The following GAK variants were observed in gnomAD, a reference collection of about 807,000 sequenced individuals.
GAK encodes the protein cyclin-G-associated kinase.
A neutral mutation model predicts 143.9 loss-of-function variants in GAK; 79 were observed. The ratio of observed to expected loss-of-function variants is 0.55; its 90% CI spans 0.46 to 0.66. GAK has a LOEUF of 0.66. Ranked by LOEUF, GAK falls within the 30% of genes least tolerant of loss-of-function variation. The pLI, the probability that GAK is intolerant of heterozygous loss-of-function variation, is 0.00. For missense variants in GAK, 1,693 were observed against 1,779.7 expected, an observed-to-expected ratio of 0.95 and a Z score of 0.88; for synonymous variants, 881 against 765.5, an observed-to-expected ratio of 1.15 and a Z score of -2.49.
At chr4:851,403 G>T (rs575231393) in intron 25 of GAK, 15 of 479,420 alleles carry the variant, frequency 3.1e-5, no homozygotes, top group African/African-American at 2.9e-4. Context: ...GTTAAGAACA[G>T]AAACTTTCTG....
chr4:861,715 G>A (rs777280875), intron 23 of GAK, among the ~76,000 whole-genome samples: 5 of 152,210 alleles, frequency 3.3e-5, no homozygotes, highest in Non-Finnish European at 7.3e-5. Context: ...CGAATGATAC[G>A]AACACAAACC....
chr4:931,589 C>T (rs1271890813), intron 1 of GAK, among the ~76,000 whole-genome samples: 1 of 152,140 alleles, frequency 6.6e-6, no homozygotes, highest in Non-Finnish European at 1.5e-5. Context: ...TTAAACCCAC[C>T]TCCTGCACCG....
intron 27 of GAK, 59 bp from the exon 28 acceptor site, chr4:849,833 G>GGGCGC: frequency 8.4e-7 from 1 of 1,190,154 alleles, no homozygotes; most frequent in Non-Finnish European, 1.2e-6. Context: ...GGCGGGGCAG[G>GGGCGC]ACCCCCCCCC....
At chr4:920,300 T>A (rs1577318247) in intron 1 of GAK, among the ~76,000 whole-genome samples, 2 of 138,822 alleles carry the variant, frequency 1.4e-5, no homozygotes. Context: ...AGAGCAAAAG[T>A]CCATCTCAAA....
At chr4:852,048 C>G in intron 24 of GAK, 74 bp from the exon 25 acceptor site, 1 of 1,258,280 alleles carries the variant, frequency 7.9e-7, no homozygotes, top group South Asian at 1.2e-5. Context: ...TAACGCAGAG[C>G]ACCACGTATA....
chr4:922,563 C>T (rs549034245), intron 1 of GAK, among the ~76,000 whole-genome samples: 1 of 150,998 alleles, frequency 6.6e-6, no homozygotes, highest in South Asian at 2.1e-4. Flanking sequence ...GCAAAAGAGG[C>T]CTCTCCTGGA....
At chr4:880,405 GCT>G (rs1714858767) in intron 15 of GAK, among the ~76,000 whole-genome samples, 1 of 152,230 alleles carries the variant, frequency 6.6e-6, no homozygotes, top group African/African-American at 2.4e-5. Context: ...ACAGAGTGCA[GCT>G]CTTTCTCTCG....
At chr4:920,335 C>T (rs1723711634) in intron 1 of GAK, among the ~76,000 whole-genome samples, 1 of 150,350 alleles carries the variant, frequency 6.7e-6, no homozygotes, top group South Asian at 2.1e-4. Flanking sequence ...AAACCAACAA[C>T]AAAAAAACAC....
chr4:906,937 A>G (rs1276548690), intron 4 of GAK, among the ~76,000 whole-genome samples: 1 of 152,062 alleles, frequency 6.6e-6, no homozygotes, highest in Non-Finnish European at 1.5e-5. Flanking sequence ...TCACCTCCCA[A>G]GGAACCAACT....
At chr4:881,742 G>A (rs1430269757) in intron 15 of GAK, among the ~76,000 whole-genome samples, 165 bp downstream of exon 15, 1 of 152,214 alleles carries the variant, frequency 6.6e-6, no homozygotes, top group South Asian at 2.1e-4. Context: ...CGGGCTCTGC[G>A]GCCGTAAGCC....
At chr4:887,113 C>G (rs568314120) in intron 11 of GAK, 1 of 151,542 alleles carries the variant, frequency 6.6e-6, no homozygotes, top group Admixed American at 6.6e-5. Context: ...CTCCTACACA[C>G]GCTTACACAT....
chr4:853,489 C>A (rs1055114460), intron 24 of GAK: 2 of 152,318 alleles, frequency 1.3e-5, no homozygotes, highest in African/African-American at 4.8e-5. Flanking sequence ...CTGAGAGACA[C>A]GGCTCAACCC....
At position 898,096 on chromosome 4, in the gene GAK, C is replaced by T. The variant is rs767834499; in HGVS notation, c.588G>A (p.Thr196=). 5 of 1,614,012 alleles carry T rather than the reference C, an allele frequency of 3.1e-6. No homozygotes were observed. The highest frequency in any genetic ancestry group is 2.2e-5 in the East Asian group (1 of 44,902). The change falls in exon 6 of 28, where the codon ACG becomes ACA. Residue 196 remains threonine, a synonymous_variant. Transcript: ENST00000314167. ...TGTAGTCAGGGTAGTGCGAGATGGT[C>T]GTGGCACTGCCAAAGTCACACAGCT... ...TIKLCDFGSA[T]TISHYPDYSW...
At chr4:917,645 G>A (rs182395662) in intron 1 of GAK, among the ~76,000 whole-genome samples, 5 of 152,388 alleles carry the variant, frequency 3.3e-5, no homozygotes, top group South Asian at 2.1e-4. Flanking sequence ...AAAGCAGGGC[G>A]AAGGGTTACC....
At chr4:896,888 G>GCCCC (rs754682081) in intron 6 of GAK, among the ~76,000 whole-genome samples, 59 of 152,374 alleles carry the variant, frequency 3.9e-4, no homozygotes, top group Non-Finnish European at 7.1e-4. Context: ...TGGCACAAGG[G>GCCCC]CCCCGCTCCA....
chr4:861,393 C>T (rs765241982), intron 23 of GAK, among the ~76,000 whole-genome samples: 4 of 152,082 alleles, frequency 2.6e-5, no homozygotes, highest in African/African-American at 7.2e-5. Flanking sequence ...AGTTCAAGGT[C>T]GGCCTGGACA....
rs894968383 is a variant in GAK at position 881,829 on chromosome 4, A to G, written c.1661+78T>C. The G allele has an allele frequency of 8.2e-6, 12 of 1,469,510 alleles. No individual in the cohort carries two copies. In the African/African-American group the frequency reaches 1.7e-4, roughly 21 times the overall value. The allele number at this position is 1,469,510 out of a possible 1,614,324, so 91.0% of individuals were successfully genotyped here. On this transcript the variant is annotated intron_variant, in intron 15 of 27. Coordinates refer to ENST00000314167, the MANE Select transcript of GAK (RefSeq NM_005255.4). Reference sequence around the variant, plus strand: ...CTGCAGCGGCACCGACTGGCCCTCCAGGAGACACCACAGCGGGGGCGGCAG... The same window carrying G: ...CTGCAGCGGCACCGACTGGCCCTCCGGGAGACACCACAGCGGGGGCGGCAG...
chr4:925,147 C>G (rs950154326), intron 1 of GAK, among the ~76,000 whole-genome samples: 6 of 152,178 alleles, frequency 3.9e-5, no homozygotes, highest in African/African-American at 1.4e-4. Context: ...TAAGCATTAC[C>G]AAACTCGCTA....
At chr4:895,054 C>T (rs1718512940) in intron 7 of GAK, among the ~76,000 whole-genome samples, 1 of 152,160 alleles carries the variant, frequency 6.6e-6, no homozygotes, top group South Asian at 2.1e-4. Context: ...CACACTCATG[C>T]ACTGAAGATC....
Sources: allele counts gnomAD v4.1 joint callset (sites outside exome capture counted in the v4.1 genomes callset), GRCh38; gene constraint gnomAD v4.1.1; transcripts MANE v1.5; gene names NCBI Gene and HGNC (gene_info 2026-07-23, HGNC 2026-07-21).